CHD4: variants seen among roughly 807,000 people sequenced by gnomAD.
CHD4 encodes the protein ATP-dependent chromatin remodeler CHD4.
In CHD4, 35 loss-of-function variants were observed where a neutral mutation model predicts 235.5. The observed-to-expected ratio is 0.15, with a 90% CI of 0.11 to 0.20. The LOEUF (loss-of-function observed/expected upper bound fraction) is 0.20. Among genes scored for constraint, CHD4 ranks in the 10% least tolerant of loss-of-function variants. The pLI, the probability that CHD4 is intolerant of heterozygous loss-of-function variation, is 1.00. For missense variants in CHD4, 1,329 were observed against 2,432.3 expected, an observed-to-expected ratio of 0.55 and a Z score of 9.54; for synonymous variants, 900 against 850.2, an observed-to-expected ratio of 1.06 and a Z score of -1.02.
At position 6,601,484 on chromosome 12, in the gene CHD4, T is replaced by A; in HGVS notation, c.604A>T (p.Met202Leu). The change falls in exon 6 of 40, where the codon ATG (methionine) becomes TTG (leucine). Residue 202 changes from methionine (M) to leucine (L), a missense_variant. By Grantham distance (15) the Met-to-Leu change is conservative. Coordinates refer to ENST00000544040, the MANE Select transcript of CHD4 (RefSeq NM_001273.5). ...CGCCATTTTGCACCCAAAACCATCA[T>A]CATCTTGGAGACAGCAATCTTGGGA... is the stretch of plus-strand genomic sequence containing the variant. Reference protein sequence around the residue: ...KNPKIAVSKMMMVLGAKWREF... With the variant: ...KNPKIAVSKMLMVLGAKWREF... The A allele has an allele frequency of 6.2e-7, 1 of 1,614,146 alleles. No homozygotes were observed. The highest frequency in any genetic ancestry group is 8.5e-7 in the Non-Finnish European group (1 of 1,180,046).
chr12:6,598,567 T>G (rs969943582), intron 10 of CHD4, 142 bp from the exon 11 acceptor site: 1 of 688,524 alleles, frequency 1.5e-6, no homozygotes, highest in Non-Finnish European at 2.4e-6. Context: ...TCCCAGCACC[T>G]TGGGAGGCCG....
chr12:6,574,310 T>C (rs933265026), intron 37 of CHD4, among the ~76,000 whole-genome samples: 1 of 152,128 alleles, frequency 6.6e-6, no homozygotes, highest in East Asian at 1.9e-4. Context: ...TAATGCCCCA[T>C]GATATGAATA....
intron 31 of CHD4, 76 bp downstream of exon 31, chr12:6,581,573 A>G (rs1487490450): frequency 6.2e-7 from 1 of 1,602,196 alleles, no homozygotes; most frequent in Admixed American, 1.7e-5. Context: ...CCCTGTTAGA[A>G]CTGAGCACAG....
chr12:6,593,929 G>A lies in CHD4; in HGVS notation c.2314-313C>T, dbSNP rs1334851895. The stretch of plus-strand genomic sequence containing the variant: ...CAGCTCACTGCAACCTCCACCTCCC[G>A]GGTTCAAGCGATTCTCCTGCCTCAG... On this transcript the variant is annotated intron_variant, in intron 15 of 39. Transcript: ENST00000544040. This position sits in a 1 kb window ranked among gnomAD's most constrained non-coding sequence, Gnocchi z 4.9. 6.6e-6 allele frequency among the ~76,000 whole-genome samples: 1 copy of A among 152,090 alleles called. No individual in the cohort carries two copies. Among genetic ancestry groups the A allele is most frequent in the African/African-American group, 2.4e-5 (1 of 41,422 alleles).
At chr12:6,598,576 C>G (rs145869742) in intron 10 of CHD4, 151 bp from the exon 11 acceptor site, 4 of 632,374 alleles carry the variant, frequency 6.3e-6, no homozygotes, top group Non-Finnish European at 8.0e-6. Flanking sequence ...CTTGGGAGGC[C>G]GAGGCGGGCA....
chr12:6,600,717 G>A (rs767839551), intron 7 of CHD4, 48 bp from the exon 8 acceptor site: 1 of 1,605,636 alleles, frequency 6.2e-7, no homozygotes, highest in Admixed American at 1.7e-5. Flanking sequence ...CCAAGGGGAA[G>A]GACAGAGTGG....
At chr12:6,594,703 CT>C (rs1390873194) in intron 14 of CHD4, 53 bp from the exon 15 acceptor site, 4 of 1,515,402 alleles carry the variant, frequency 2.6e-6, no homozygotes, top group East Asian at 2.3e-5. Flanking sequence ...CCCTCCTCCC[CT>C]AATAGAGCAG....
At position 6,570,946 on chromosome 12, in the gene CHD4, C is replaced by A. The variant is rs759190742; in HGVS notation, c.5644G>T (p.Ala1882Ser). ...PATIARIPPV[A>S]VRLQMSERNI... is the part of the protein sequence containing the mutation. ...CGCTCTGACATCTGTAACCTCACAG[C>A]AACTGGGGGAATTCGGGCAATGGTA... Residue 1882 changes from alanine to serine, a missense_variant, in exon 39 of 40, where the codon GCT (alanine) becomes TCT (serine). Transcript: ENST00000544040. The A allele has an allele frequency of 3.1e-6, 5 of 1,614,158 alleles. No individual in the cohort carries two copies. Among genetic ancestry groups the A allele is most frequent in the Non-Finnish European group, 8.5e-7 (1 of 1,180,022 alleles).
chr12:6,577,704 T>A, intron 37 of CHD4, 81 bp downstream of exon 37: 1 of 1,568,924 alleles, frequency 6.4e-7, no homozygotes, highest in Non-Finnish European at 8.7e-7. Context: ...GTGCGCTGGA[T>A]GGACAGACTC....
At chr12:6,581,251 A>T in intron 32 of CHD4, 40 bp downstream of exon 32, 2 of 1,613,450 alleles carry the variant, frequency 1.2e-6, no homozygotes, top group Non-Finnish European at 1.7e-6. Flanking sequence ...GGACTTACAC[A>T]TTTGTCTTTA....
At chr12:6,575,577 C>T (rs1948056764) in intron 37 of CHD4, among the ~76,000 whole-genome samples, 1 of 152,006 alleles carries the variant, frequency 6.6e-6, no homozygotes, top group African/African-American at 2.4e-5. Context: ...TTTATCTTTA[C>T]CCTTTTCATT....
chr12:6,571,133 C>T (rs755247302), intron 38 of CHD4, 101 bp from the exon 39 acceptor site: 54 of 1,370,254 alleles, frequency 3.9e-5, no homozygotes, highest in Middle Eastern at 2.2e-4. Flanking sequence ...GACCAAGTAA[C>T]TGTGATGTAT....
chr12:6,573,081 C>T lies in CHD4; in HGVS notation c.5550G>A (p.Leu1850=). Reference sequence around the variant, plus strand: ...AGGGGAGCCACTGGCTACCTTTGTGCAGGACTGCATTGGCTGGCTTGTTTC... The same window carrying T: ...AGGGGAGCCACTGGCTACCTTTGTGTAGGACTGCATTGGCTGGCTTGTTTC... ...MAGNKPANAV[L]HKVLKQLEEL... Residue 1850 remains leucine, a synonymous_variant, in exon 38 of 40, where the codon CTG becomes CTA. Transcript: ENST00000544040. 7 of 1,604,626 alleles carry T rather than the reference C, an allele frequency of 4.4e-6. No individual in the cohort carries two copies. Among genetic ancestry groups the T allele is most frequent in the Middle Eastern group, 1.8e-4 (1 of 5,616 alleles).
intron 37 of CHD4, 142 bp from the exon 38 acceptor site, chr12:6,573,411 C>G (rs951981622): frequency 1.5e-5 from 8 of 548,372 alleles, no homozygotes; most frequent in Non-Finnish European, 2.3e-5. Context: ...ATTCCCACAC[C>G]CAAGTAGTTT....
In CHD4 at chr12:6,596,008, G is replaced by C. The variant is rs996040591; in HGVS notation, c.2022C>G (p.His674Gln). 1.9e-6 allele frequency: 3 copies of C among 1,609,726 alleles called. No individual in the cohort carries two copies. The highest frequency in any genetic ancestry group is 2.5e-6 in the Non-Finnish European group (3 of 1,178,618). ...YDLFKQSYWN[H>Q]RELMRGEEGR... is the part of the protein sequence containing the mutation. ...ATGCCTCACCCAAAATCACTCACCT[G>C]TGATTCCAATAGCTCTGCTTGAACA... The change falls in exon 13 of 40, where the codon CAC (histidine) becomes CAG (glutamine). Residue 674 changes from histidine (H) to glutamine (Q), a missense_variant and splice_region_variant. Transcript: ENST00000544040.
At chr12:6,596,207 G>A in intron 12 of CHD4, 70 bp from the exon 13 acceptor site, 2 of 1,587,014 alleles carry the variant, frequency 1.3e-6, no homozygotes, top group Non-Finnish European at 1.7e-6. Flanking sequence ...TCAAAAACTG[G>A]CAATACCGTT....
Position 6,593,241 on chromosome 12 carries a change from G to A in CHD4, c.2515-13C>T. The stretch of plus-strand genomic sequence containing the variant: ...CAGATGCCTCTTTCTGCACATGAAG[G>A]CAACTTGGTCACTACTAGTCAGTTC... On this transcript the variant is annotated splice_polypyrimidine_tract_variant and intron_variant, in intron 16 of 39. Coordinates refer to ENST00000544040, the MANE Select transcript of CHD4 (RefSeq NM_001273.5). The surrounding 1 kb of genome is among the most constrained non-coding windows in gnomAD (Gnocchi z 4.9). 2 of 1,613,886 alleles carry A rather than the reference G, an allele frequency of 1.2e-6. No homozygotes were observed. The highest frequency in any genetic ancestry group is 2.7e-5 in the African/African-American group (2 of 75,042).
chr12:6,585,127 A>T (rs1035460338), intron 25 of CHD4, among the ~76,000 whole-genome samples: 5 of 152,242 alleles, frequency 3.3e-5, no homozygotes, highest in Non-Finnish European at 7.3e-5. Context: ...TGGTTTACAG[A>T]GGACAAGAAA....
intron 33 of CHD4, 74 bp from the exon 34 acceptor site, chr12:6,578,991 T>C (rs907841731): frequency 2.2e-6 from 3 of 1,377,338 alleles, no homozygotes; most frequent in Non-Finnish European, 3.1e-6. Flanking sequence ...ATTATCCAAT[T>C]GGATAGACCC....
Sources: gnomAD v4.1 joint callset for allele counts (sites outside exome capture counted in the v4.1 genomes callset) on GRCh38, gnomAD v4.1.1 for gene constraint, Gnocchi (gnomAD v3.1) non-coding constraint, MANE v1.5 for transcripts, NCBI Gene and HGNC (gene_info 2026-07-23, HGNC 2026-07-21) for gene names.